The following BTD variants were observed in gnomAD, a reference collection of about 807,000 sequenced individuals.
BTD encodes biocytinase.
A neutral mutation model predicts 17.7 loss-of-function variants in BTD; 13 were observed. The observed-to-expected ratio is 0.74, with a 90% CI of 0.48 to 1.17. The LOEUF (loss-of-function observed/expected upper bound fraction) is 1.17, where lower values mean the gene tolerates loss of function less well. Ranked by LOEUF, BTD falls within the 50% of genes most tolerant of loss-of-function variation. The pLI is 0.00. For missense variants in BTD, 674 were observed against 650.4 expected (o/e 1.04, Z -0.39); for synonymous variants, 240 against 245.2 (o/e 0.98, Z 0.20).
intron 4 of BTD, chr3:15,720,813 G>C: frequency 3.9e-6 from 4 of 1,024,832 alleles, no homozygotes; most frequent in Middle Eastern, 4.5e-4. Flanking sequence ...CCATGTTCTT[G>C]AGTTTATCAA....
intron 1 of BTD, 77 bp downstream of exon 1, chr3:15,601,971 T>G (rs750253477): frequency 8.2e-6 from 13 of 1,588,806 alleles, no homozygotes; most frequent in East Asian, 2.3e-5. Flanking sequence ...GGGCGCCCAG[T>G]TGGACTTGGG....
chr3:15,717,302 A>C (rs112204040), downstream of BTD, among the ~76,000 whole-genome samples: 2 of 152,156 alleles, frequency 1.3e-5, no homozygotes, highest in Non-Finnish European at 2.9e-5. Flanking sequence ...ATAAGCCTAT[A>C]TGTGGCACTG....
chr3:15,626,077 A>G (rs1277722778), intron 1 of BTD, among the ~76,000 whole-genome samples: 1 of 152,208 alleles, frequency 6.6e-6, no homozygotes, highest in Non-Finnish European at 1.5e-5. Flanking sequence ...ACCTAATTCT[A>G]ATTTATGCTA....
intron 3 of BTD, chr3:15,667,106 G>A (rs2066016369): frequency 6.6e-6 from 1 of 152,050 alleles, no homozygotes; most frequent in Admixed American, 6.6e-5. Context: ...ATATAGATAG[G>A]TTCATTTAAG....
At chr3:15,712,765 T>G (rs1559386967) in exon 4 of BTD, among the ~76,000 whole-genome samples, 1 of 152,352 alleles carries the variant, frequency 6.6e-6, no homozygotes, top group Non-Finnish European at 1.5e-5. Flanking sequence ...ACAATAATTC[T>G]ATAAAATAAA....
intron 3 of BTD, among the ~76,000 whole-genome samples, chr3:15,702,256 T>C (rs1316807556): frequency 6.6e-6 from 1 of 152,230 alleles, no homozygotes; most frequent in African/African-American, 2.4e-5. Flanking sequence ...TTTAGAACAG[T>C]GGTTAATCAC....
rs773436040 is a variant in BTD, at chr3:15,635,594, A to G, written c.155A>G (p.Asn52Ser). 10 of 1,613,834 alleles carry G rather than the reference A, an allele frequency of 6.2e-6. No individual in the cohort carries two copies. Among genetic ancestry groups the G allele is most frequent in the Non-Finnish European group, 8.5e-6 (10 of 1,180,008 alleles). Reference sequence around the variant, plus strand: ...GAGCATCCATCCATCCTGAGTCTGAACCCTCTGGCTCTCATCAGCCGCCAA... The same window carrying G: ...GAGCATCCATCCATCCTGAGTCTGAGCCCTCTGGCTCTCATCAGCCGCCAA... ...VYEHPSILSL[N>S]PLALISRQEA... is the part of the protein sequence containing the mutation. Residue 52 changes from asparagine to serine, a missense_variant, in exon 2 of 4, where the codon AAC becomes AGC. By Grantham distance (46) the Asn-to-Ser change is conservative (BLOSUM62 1). Coordinates refer to ENST00000643237, the MANE Select transcript of BTD (RefSeq NM_001370658.1). This position sits in a 1 kb window ranked among gnomAD's most constrained non-coding sequence, Gnocchi z 4.1.
chr3:15,613,432 T>G (rs1330134570), intron 1 of BTD, among the ~76,000 whole-genome samples: 2 of 152,156 alleles, frequency 1.3e-5, no homozygotes, highest in South Asian at 2.1e-4. Context: ...TTCTTCTGCT[T>G]CTTTCCTGAG....
chr3:15,648,150 TCTC>T lies in BTD; in HGVS notation c.*2666_*2668del, dbSNP rs1438613962. Among the ~76,000 whole-genome samples, 4 of 152,108 alleles carry T rather than the reference TCTC, an allele frequency of 2.6e-5. No homozygotes were observed. Among genetic ancestry groups the T allele is most frequent in the African/African-American group, 4.8e-5 (2 of 41,404 alleles). On this transcript the variant is annotated 3_prime_UTR_variant, in exon 4 of 4. Coordinates refer to ENST00000643237, the MANE Select transcript of BTD (RefSeq NM_001370658.1). Reference sequence around the variant, plus strand: ...CCAGGAGGTGTCCCTGCACAGAAGATCTCCTCAGAGAGGACCGATGGTGAGTCG... The same window carrying T: ...CCAGGAGGTGTCCCTGCACAGAAGATCTCAGAGAGGACCGATGGTGAGTCG...
At chr3:15,612,719 C>G (rs1310954512) in intron 1 of BTD, among the ~76,000 whole-genome samples, 3 of 143,542 alleles carry the variant, frequency 2.1e-5, no homozygotes, top group Non-Finnish European at 4.5e-5. Context: ...TATATGTTGT[C>G]TATTGTTGTA....
chr3:15,624,131 T>A (rs2065016020), intron 1 of BTD, among the ~76,000 whole-genome samples: 1 of 152,232 alleles, frequency 6.6e-6, no homozygotes, highest in African/African-American at 2.4e-5. Context: ...CTGGCTTCTT[T>A]CAGGATTTTT....
intron 3 of BTD, among the ~76,000 whole-genome samples, chr3:15,680,133 G>T (rs921444667): frequency 2.6e-5 from 4 of 152,086 alleles, no homozygotes; most frequent in African/African-American, 9.7e-5. Flanking sequence ...ATGGCAATGG[G>T]ATGTTTAATT....
At chr3:15,639,370 A>G (rs571250917) in intron 2 of BTD, among the ~76,000 whole-genome samples, 6 of 152,326 alleles carry the variant, frequency 3.9e-5, no homozygotes, top group Admixed American at 1.3e-4. Flanking sequence ...TCATACAAAT[A>G]TAGAATGAAT....
rs994749975 is a variant in BTD at position 15,709,847 on chromosome 3, A to C, written c.400-213A>C. 30 of 623,652 alleles carry C rather than the reference A, an allele frequency of 4.8e-5. No homozygotes were observed. The Middle Eastern group carries it at 1.4e-3, about 28-fold the overall frequency. 38.6% of individuals were successfully genotyped at this position (623,652 alleles called of 1,614,324 possible). ...TTTTTATATGAAGATAAATGTGACA[A>C]AAATGATGATTTACATTCTATGAAG... On this transcript the variant is annotated intron_variant, in intron 3 of 3. Transcript: ENST00000672141.
intron 2 of BTD, among the ~76,000 whole-genome samples, chr3:15,637,833 C>G (rs1465675073): frequency 1.3e-5 from 2 of 152,234 alleles, no homozygotes; most frequent in African/African-American, 4.8e-5. Context: ...GTAGAATTCT[C>G]CTGCATTCAC....
chr3:15,703,196 A>G (rs2070870766), intron 3 of BTD, among the ~76,000 whole-genome samples: 1 of 152,250 alleles, frequency 6.6e-6, no homozygotes, highest in African/African-American at 2.4e-5. Context: ...TATCAGATAC[A>G]TAGGAATAAA....
At chr3:15,714,740 C>T, downstream of BTD, 1 of 880,050 alleles carries the variant, frequency 1.1e-6, no homozygotes, top group Non-Finnish European at 1.6e-6. Flanking sequence ...CCTCTTGCAT[C>T]TTTATTTTTA....
intron 3 of BTD, among the ~76,000 whole-genome samples, chr3:15,697,010 C>T (rs768286061): frequency 1.1e-4 from 16 of 152,046 alleles, no homozygotes; most frequent in Non-Finnish European, 2.1e-4. Context: ...CAGTACAATT[C>T]GCAATTGCAA....
At chr3:15,608,215 A>G (rs1693266736) in intron 1 of BTD, among the ~76,000 whole-genome samples, 1 of 152,192 alleles carries the variant, frequency 6.6e-6, no homozygotes, top group African/African-American at 2.4e-5. Flanking sequence ...AATGCCAGGG[A>G]GACCTGGAAC....
Sources: allele counts gnomAD v4.1 joint callset (sites outside exome capture counted in the v4.1 genomes callset), GRCh38; gene constraint gnomAD v4.1.1; non-coding constraint Gnocchi (gnomAD v3.1); transcripts MANE v1.5; gene names NCBI Gene and HGNC (gene_info 2026-07-23, HGNC 2026-07-21).